PPFIA3: variants seen among roughly 807,000 people sequenced by gnomAD.
PPFIA3 encodes PPFI scaffold protein A3, also known as liprin-alpha-3.
In PPFIA3, 26 loss-of-function variants were observed where a neutral mutation model predicts 145.8. The observed-to-expected ratio is 0.18, with a 90% CI of 0.13 to 0.25. The LOEUF is 0.25. Among genes scored for constraint, PPFIA3 ranks in the 10% least tolerant of loss-of-function variants. PPFIA3 has a pLI of 1.00. For missense variants in PPFIA3, 1,008 were observed against 1,587.8 expected, an observed-to-expected ratio of 0.63 and a Z score of 6.21; for synonymous variants, 645 against 661.4, an observed-to-expected ratio of 0.98 and a Z score of 0.38.
chr19:49,147,092 C>T (rs1568442024), intron 23 of PPFIA3, among the ~76,000 whole-genome samples: 1 of 152,300 alleles, frequency 6.6e-6, no homozygotes, highest in East Asian at 1.9e-4. Context: ...TGGGACTCAT[C>T]TGGAATATTG....
intron 19 of PPFIA3, 24 bp downstream of exon 19, chr19:49,141,537 T>C (rs768327940): frequency 1.2e-5 from 18 of 1,462,174 alleles, no homozygotes; most frequent in African/African-American, 7.3e-5. Flanking sequence ...AGTGTGAGCG[T>C]GTGTGTGTGT....
intron 11 of PPFIA3, 23 bp downstream of exon 11, chr19:49,134,188 C>T: frequency 6.4e-7 from 1 of 1,571,166 alleles, no homozygotes; most frequent in Non-Finnish European, 8.6e-7. Context: ...TACAGGACTG[C>T]GGGACGCGGA....
At chr19:49,134,525 A>G (rs77578447) in intron 11 of PPFIA3, 114 bp from the exon 12 acceptor site, 5 of 978,128 alleles carry the variant, frequency 5.1e-6, no homozygotes, top group African/African-American at 3.2e-5. Context: ...ACTTGTGTCC[A>G]TCTCATTCCT....
At position 49,139,847 on chromosome 19, in the gene PPFIA3, G is replaced by A. The variant is rs1442129820; in HGVS notation, c.2240+16G>A. ...CACGGGGAAGGTCAGCAGGGACAAG[G>A]GATAGGGACAGGGAGAAGCTGGCTT... On this transcript the variant is annotated intron_variant, in intron 17 of 29. Transcript: ENST00000334186. 1.2e-6 allele frequency: 2 copies of A among 1,610,398 alleles called. No homozygotes were observed. The highest frequency in any genetic ancestry group is 1.7e-6 in the Non-Finnish European group (2 of 1,177,568).
Position 49,120,151 on chromosome 19 carries a change from G to A in PPFIA3, c.-16+429G>A, listed in dbSNP as rs949002320. On this transcript the variant is annotated intron_variant, in intron 1 of 29. Coordinates refer to ENST00000334186, the MANE Select transcript of PPFIA3 (RefSeq NM_003660.4). The surrounding 1 kb of genome is among the most constrained non-coding windows in gnomAD (Gnocchi z 4.6). ...ACAGCCGGCTGCGTCCCACGGTCCA[G>A]GCAGGCTCGGCGGCCGCCCTGGACA... Among the ~76,000 whole-genome samples, 1 of 152,118 alleles carries A rather than the reference G, an allele frequency of 6.6e-6. No homozygotes were observed. The highest frequency in any genetic ancestry group is 1.5e-5 in the Non-Finnish European group (1 of 68,006).
chr19:49,139,304 A>G (rs1468555917), intron 16 of PPFIA3, among the ~76,000 whole-genome samples: 1 of 147,290 alleles, frequency 6.8e-6, no homozygotes, highest in Admixed American at 6.7e-5. Context: ...CAGCCTGGCG[A>G]CAGAGCTAGA....
intron 21 of PPFIA3, among the ~76,000 whole-genome samples, chr19:49,144,712 C>G (rs1431410371): frequency 7.2e-6 from 1 of 139,188 alleles, no homozygotes; most frequent in East Asian, 2.1e-4. Flanking sequence ...AGAGTGCATC[C>G]AAAAAAAAAA....
At chr19:49,147,800 T>C (rs1053170819) in intron 23 of PPFIA3, among the ~76,000 whole-genome samples, 4 of 152,180 alleles carry the variant, frequency 2.6e-5, no homozygotes, top group African/African-American at 9.7e-5. Context: ...CCGACTTCAG[T>C]AGGTCTGGAG....
In PPFIA3 at chr19:49,150,840, G is replaced by A. The variant is rs1248391096; in HGVS notation, c.*618G>A. 1 of 155,924 alleles carries A rather than the reference G, an allele frequency of 6.4e-6. No individual in the cohort carries two copies. Among genetic ancestry groups the A allele is most frequent in the Admixed American group, 6.5e-5 (1 of 15,492 alleles). 9.7% of individuals were successfully genotyped at this position (155,924 alleles called of 1,614,324 possible). On this transcript the variant is annotated 3_prime_UTR_variant, in exon 30 of 30. Coordinates refer to ENST00000334186, the MANE Select transcript of PPFIA3 (RefSeq NM_003660.4). The stretch of plus-strand genomic sequence containing the variant: ...CCGTGCCCCGGGGGTAGGGGGCGCA[G>A]AATGGCGCTTCCCCTTCTCCTCTGG...
chr19:49,141,357 C>G, intron 18 of PPFIA3, 63 bp from the exon 19 acceptor site: 1 of 1,300,370 alleles, frequency 7.7e-7, no homozygotes, highest in Non-Finnish European at 1.1e-6. Flanking sequence ...TCATCACCTC[C>G]AGCATGAAAG....
At chr19:49,135,754 C>G (rs1384762838) in intron 13 of PPFIA3, 25 bp from the exon 14 acceptor site, 1 of 1,592,880 alleles carries the variant, frequency 6.3e-7, no homozygotes, top group Non-Finnish European at 8.6e-7. Context: ...CCCTTGGTCT[C>G]TGACTGCTTT....
At chr19:49,148,523 T>A in intron 24 of PPFIA3, 143 bp from the exon 25 acceptor site, 1 of 773,640 alleles carries the variant, frequency 1.3e-6, no homozygotes, top group Non-Finnish European at 2.1e-6. Context: ...ATGCCTCACC[T>A]CCTGAGGGGG....
chr19:49,144,100 G>T (rs1162259277), intron 21 of PPFIA3, among the ~76,000 whole-genome samples: 1 of 151,912 alleles, frequency 6.6e-6, no homozygotes, highest in Non-Finnish European at 1.5e-5. Flanking sequence ...CTGCCTCCTG[G>T]GTGCAAGCAA....
In PPFIA3 at chr19:49,148,755, A is replaced by G; in HGVS notation, c.3101A>G (p.Gln1034Arg). 6.2e-7 allele frequency: 1 copy of G among 1,613,430 alleles called. No homozygotes were observed. The highest frequency in any genetic ancestry group is 8.5e-7 in the Non-Finnish European group (1 of 1,179,430). Residue 1034 changes from glutamine (Q) to arginine (R), a missense_variant, in exon 25 of 30, where the codon CAG becomes CGG. Physicochemically the swap from Gln to Arg is conservative, Grantham distance 43 (BLOSUM62 1). Transcript: ENST00000334186. ...LERRREESQTQIRDVMVWSNE... is the reference protein window; with the variant it reads ...LERRREESQTRIRDVMVWSNE... ...CGGAGGCGGGAAGAAAGTCAGACCC[A>G]GATCCGAGGTGAGTAGAGCCTAAGG...
intron 5 of PPFIA3, 104 bp downstream of exon 5, chr19:49,129,558 G>A (rs2041044498): frequency 1.6e-6 from 2 of 1,233,006 alleles, no homozygotes; most frequent in Non-Finnish European, 2.3e-6. Flanking sequence ...AATCTATTGG[G>A]GCAGGACTAG....
intron 1 of PPFIA3, among the ~76,000 whole-genome samples, chr19:49,125,832 C>T (rs1377880750): frequency 6.6e-6 from 1 of 152,114 alleles, no homozygotes; most frequent in Non-Finnish European, 1.5e-5. Context: ...GTCTTAGACT[C>T]CTGTGACCTG....
At chr19:49,150,200 T>G in intron 29 of PPFIA3, 36 bp from the exon 30 acceptor site, 1 of 1,465,146 alleles carries the variant, frequency 6.8e-7, no homozygotes, top group Non-Finnish European at 9.4e-7. Context: ...GCACGGTGGA[T>G]CTTCACTGCT....
At position 49,133,162 on chromosome 19, in the gene PPFIA3, G is replaced by C. The variant is rs1291701688; in HGVS notation, c.1026+15G>C. 7 of 1,588,124 alleles carry C rather than the reference G, an allele frequency of 4.4e-6. No individual in the cohort carries two copies. The Admixed American group carries it at 1.2e-4, about 27-fold the overall frequency. ...TGTATCGGCAGGTGGGGGCGCGGCC[G>C]GGAGGGGCGATGGGGGCGGTGCCGG... On this transcript the variant is annotated intron_variant, in intron 8 of 29. Transcript: ENST00000334186. This position sits in a 1 kb window ranked among gnomAD's most constrained non-coding sequence, Gnocchi z 7.2.
chr19:49,148,445 G>A, intron 24 of PPFIA3, 187 bp downstream of exon 24: 2 of 805,416 alleles, frequency 2.5e-6, no homozygotes, highest in Non-Finnish European at 3.8e-6. Context: ...TTCAGATCCT[G>A]AAATGGCTTG....
Sources: gnomAD v4.1 joint callset for allele counts (sites outside exome capture counted in the v4.1 genomes callset) on GRCh38, gnomAD v4.1.1 for gene constraint, Gnocchi (gnomAD v3.1) non-coding constraint, MANE v1.5 for transcripts, NCBI Gene and HGNC (gene_info 2026-07-23, HGNC 2026-07-21) for gene names.